Variants in NHSL1 observed in about 807,000 individuals in gnomAD.
NHSL1 encodes NHS like 1.
Under a neutral mutation model 95.0 loss-of-function variants are expected in NHSL1, and 48 were observed. That is an observed-to-expected ratio of 0.51 (90% CI 0.40 to 0.64). The LOEUF (loss-of-function observed/expected upper bound fraction) is 0.64. Among genes scored for constraint, NHSL1 ranks in the 30% least tolerant of loss-of-function variants. The pLI is 0.00. For synonymous variants in NHSL1, 783 were observed against 833.9 expected, an observed-to-expected ratio of 0.94 and a Z score of 1.05; for missense variants, 1,971 against 2,077.7, an observed-to-expected ratio of 0.95 and a Z score of 1.00.
chr6:138,514,978 C>T (rs578074839), intron 1 of NHSL1, among the ~76,000 whole-genome samples: 2 of 151,060 alleles, frequency 1.3e-5, no homozygotes, highest in Admixed American at 6.6e-5. Flanking sequence ...CTTCTGAGGA[C>T]GTAAGATTAA....
chr6:138,424,585 T>C lies in NHSL1; in HGVS notation c.4317A>G (p.Ala1439=). 6.4e-7 allele frequency: 1 copy of C among 1,551,686 alleles called. No individual in the cohort carries two copies. The highest frequency in any genetic ancestry group is 8.7e-7 in the Non-Finnish European group (1 of 1,146,982). Residue 1439 remains alanine (A), a synonymous_variant, in exon 8 of 8, where the codon GCA becomes GCG. Transcript: ENST00000343505. The surrounding 1 kb of genome is among the most constrained non-coding windows in gnomAD (Gnocchi z 5.9). ...TAGGGTCTGTGTTCTTGAGCATCTC[T>C]GCTGCAGACATGCGGGCGCTGGTGT... is the stretch of plus-strand genomic sequence containing the variant. The part of the protein sequence containing the change: ...RSDTSARMSA[A]EMLKNTDPRF...
intron 3 of NHSL1, among the ~76,000 whole-genome samples, chr6:138,458,007 GAA>G (rs554103437): frequency 0.22 from 21,243 of 96,562 alleles, 1,690 homozygotes; most frequent in Middle Eastern, 0.28. Context: ...AACTCCAACT[GAA>G]AAAAAAAAAA....
chr6:138,595,358 G>T (rs1206726632), intron 1 of NHSL1, among the ~76,000 whole-genome samples: 2 of 152,184 alleles, frequency 1.3e-5, no homozygotes, highest in African/African-American at 4.8e-5. Context: ...AGGGTCACTT[G>T]AGGTCAGGAG....
intron 2 of NHSL1, among the ~76,000 whole-genome samples, chr6:138,489,865 A>AGAGAGAGAGAGAGG (rs1779948230): frequency 1.4e-5 from 1 of 71,662 alleles, no homozygotes; most frequent in South Asian, 6.1e-4. Context: ...AGAGAGAGAG[A>AGAGAGAGAGAGAGG]GAGAGAGGGA....
intron 1 of NHSL1, among the ~76,000 whole-genome samples, chr6:138,660,159 C>G (rs778387299): frequency 1.4e-4 from 21 of 152,352 alleles, no homozygotes; most frequent in Non-Finnish European, 2.6e-4. Context: ...GCAGTTTTAA[C>G]TACAGCTAGC....
chr6:138,554,703 G>A (rs1260914882), intron 1 of NHSL1, among the ~76,000 whole-genome samples: 1 of 152,092 alleles, frequency 6.6e-6, no homozygotes, highest in Non-Finnish European at 1.5e-5. Context: ...TTAAAATATT[G>A]TGTTTTGAAA....
intron 1 of NHSL1, among the ~76,000 whole-genome samples, chr6:138,653,123 T>G (rs1332199720): frequency 6.6e-6 from 1 of 152,204 alleles, no homozygotes; most frequent in East Asian, 1.9e-4. Flanking sequence ...ATTAAATTGC[T>G]CAGTGAAATT....
intron 1 of NHSL1, among the ~76,000 whole-genome samples, chr6:138,654,990 C>T (rs535750966): frequency 1.3e-5 from 2 of 152,132 alleles, no homozygotes; most frequent in African/African-American, 2.4e-5. Context: ...TATTTCCATA[C>T]TGGTGGATAA....
chr6:138,686,105 AAC>A (rs1459857035), intron 1 of NHSL1, among the ~76,000 whole-genome samples: 1 of 152,228 alleles, frequency 6.6e-6, no homozygotes, highest in Non-Finnish European at 1.5e-5. Context: ...ATCTATAATC[AAC>A]ATGGTGACCA....
chr6:138,502,454 C>A (rs1444157665), upstream of NHSL1, among the ~76,000 whole-genome samples: 2 of 151,594 alleles, frequency 1.3e-5, no homozygotes, highest in Non-Finnish European at 2.9e-5. Context: ...CTGATGCCTA[C>A]TTCAGCCATA....
intron 1 of NHSL1, among the ~76,000 whole-genome samples, chr6:138,564,478 C>T (rs1783531722): frequency 6.6e-6 from 1 of 152,074 alleles, no homozygotes; most frequent in South Asian, 2.1e-4. Context: ...CCAACCTGGC[C>T]AACATGGTGA....
chr6:138,625,366 C>T (rs1209350853), intron 1 of NHSL1, among the ~76,000 whole-genome samples: 1 of 152,092 alleles, frequency 6.6e-6, no homozygotes, highest in African/African-American at 2.4e-5. Context: ...TGGTCTCAAA[C>T]TCCTGACCTC....
At chr6:138,489,958 G>A (rs1779972202) in intron 2 of NHSL1, among the ~76,000 whole-genome samples, 1 of 75,432 alleles carries the variant, frequency 1.3e-5, no homozygotes, top group Non-Finnish European at 2.6e-5. Context: ...GAGAAGGAGA[G>A]AGGGAGAGGG....
At chr6:138,561,014 C>T (rs770616474) in intron 1 of NHSL1, among the ~76,000 whole-genome samples, 1 of 152,200 alleles carries the variant, frequency 6.6e-6, no homozygotes, top group Non-Finnish European at 1.5e-5. Flanking sequence ...TTTATTAATA[C>T]TTGCGAGTTT....
chr6:138,486,274 C>G (rs1174611920), intron 2 of NHSL1, among the ~76,000 whole-genome samples: 2 of 152,134 alleles, frequency 1.3e-5, no homozygotes, highest in Admixed American at 1.3e-4. Flanking sequence ...CCTCTCTGTT[C>G]TGTTGGCATC....
chr6:138,659,759 C>T (rs970406839), intron 1 of NHSL1, among the ~76,000 whole-genome samples: 15 of 147,964 alleles, frequency 1.0e-4, no homozygotes, highest in African/African-American at 3.8e-4. Context: ...CTCTGTCATC[C>T]AGGCTGGAGT....
intron 3 of NHSL1, among the ~76,000 whole-genome samples, chr6:138,469,247 G>A (rs1213645200): frequency 1.3e-5 from 2 of 152,170 alleles, no homozygotes; most frequent in Admixed American, 6.5e-5. Context: ...AGCCAATCAC[G>A]TACTATGCGG....
chr6:138,655,807 T>C (rs566014575), intron 1 of NHSL1, among the ~76,000 whole-genome samples: 1 of 152,354 alleles, frequency 6.6e-6, no homozygotes, highest in East Asian at 1.9e-4. Flanking sequence ...CATATACTGT[T>C]GTGCCAATCC....
At chr6:138,523,040 T>G (rs1438091600) in intron 1 of NHSL1, among the ~76,000 whole-genome samples, 2 of 148,142 alleles carry the variant, frequency 1.4e-5, no homozygotes, top group East Asian at 4.1e-4. Context: ...CACCCTTTCA[T>G]GATCTCTCTG....
Sources: allele counts gnomAD v4.1 joint callset (sites outside exome capture counted in the v4.1 genomes callset), GRCh38; gene constraint gnomAD v4.1.1; non-coding constraint Gnocchi (gnomAD v3.1); transcripts MANE v1.5; gene names NCBI Gene and HGNC (gene_info 2026-07-23, HGNC 2026-07-21).